Variants in ABCF1 observed in about 807,000 individuals in gnomAD.
The protein encoded by ABCF1 is ATP-binding cassette sub-family F member 1.
In ABCF1, 73 loss-of-function variants were observed where a neutral mutation model predicts 126.3. The ratio of observed to expected loss-of-function variants is 0.58; its 90% CI spans 0.48 to 0.70. The LOEUF is 0.70. Ranked by LOEUF, ABCF1 falls within the 30% of genes least tolerant of loss-of-function variation. The pLI is 0.00. For synonymous variants in ABCF1, 345 were observed against 396.4 expected, an observed-to-expected ratio of 0.87 and a Z score of 1.54; for missense variants, 786 against 1,057.5, an observed-to-expected ratio of 0.74 and a Z score of 3.56.
Position 30,576,276 on chromosome 6 carries a change from C to CTTTTTTTTTT in ABCF1, c.74-1113_74-1104dup, listed in dbSNP as rs9256927. Among the ~76,000 whole-genome samples, 27 of 44,160 alleles carry CTTTTTTTTTT rather than the reference C, an allele frequency of 6.1e-4. 8 individuals carry two copies. The highest frequency in any genetic ancestry group is 5.4e-3 in the South Asian group (4 of 742). The allele number at this position is 44,160 out of a possible 152,430, so 29.0% of individuals were successfully genotyped here. A position where few individuals can be genotyped will look rare whatever the true frequency, so the allele number is the denominator to read the frequency against. ...AACACAGGAGTCATCTCTGAGTGCT[C>CTTTTTTTTTT]TTTTTTTTTTTTTTTTTTTTTTTTT... is the stretch of plus-strand genomic sequence containing the variant. On this transcript the variant is annotated intron_variant, in intron 1 of 24. Coordinates refer to ENST00000326195, the MANE Select transcript of ABCF1 (RefSeq NM_001025091.2).
In ABCF1 at chr6:30,578,197, A is replaced by G; in HGVS notation, c.338A>G (p.Asp113Gly). The G allele has an allele frequency of 6.2e-7, 1 of 1,613,908 alleles. No individual in the cohort carries two copies. The highest frequency in any genetic ancestry group is 1.3e-5 in the African/African-American group (1 of 74,970). The change falls in exon 4 of 25, where the codon GAT becomes GGT. Residue 113 changes from aspartate (D) to glycine (G), a missense_variant. By Grantham distance (94) the Asp-to-Gly change is moderately conservative (BLOSUM62 -1). Coordinates refer to ENST00000326195, the MANE Select transcript of ABCF1 (RefSeq NM_001025091.2). ...KLSVPTSDEE[D>G]EVPAPKPRGG... ...TCAGTGCCAACCAGTGATGAGGAGGATGAAGGTAAATGACCTGAGGGGGAA... is the reference window on the plus strand; with the variant it reads ...TCAGTGCCAACCAGTGATGAGGAGGGTGAAGGTAAATGACCTGAGGGGGAA...
intron 1 of ABCF1, among the ~76,000 whole-genome samples, chr6:30,572,575 C>T (rs1801308750): frequency 6.6e-6 from 1 of 152,122 alleles, no homozygotes; most frequent in Non-Finnish European, 1.5e-5. Flanking sequence ...ATGAACATGG[C>T]TCACTGCAGC....
rs774130843 is a variant in ABCF1 at position 30,584,956 on chromosome 6, A to G, written c.1392-304A>G. Among the ~76,000 whole-genome samples the G allele has an allele frequency of 6.6e-6, 1 of 152,096 alleles. No homozygotes were observed. The highest frequency in any genetic ancestry group is 1.5e-5 in the Non-Finnish European group (1 of 68,008). ...CCCTGTCTCTACAAAAAATTTAAAG[A>G]TCAGCTGGATATGGTGGCGCACGCT... is the stretch of plus-strand genomic sequence containing the variant. On this transcript the variant is annotated intron_variant, in intron 14 of 24. Transcript: ENST00000326195. This position sits in a 1 kb window ranked among gnomAD's most constrained non-coding sequence, Gnocchi z 4.6.
Position 30,577,927 on chromosome 6 carries a change from A to G in ABCF1, c.216+14A>G. The G allele has an allele frequency of 4.3e-6, 7 of 1,613,832 alleles. No homozygotes were observed. Among genetic ancestry groups the G allele is most frequent in the Non-Finnish European group, 5.9e-6 (7 of 1,179,950 alleles). ...CAGCAACAGCAGGTACAAGTGCCAC[A>G]GGGCCCACCAATCCTGGGAGGCATC... On this transcript the variant is annotated intron_variant, in intron 3 of 24. Coordinates refer to ENST00000326195, the MANE Select transcript of ABCF1 (RefSeq NM_001025091.2).
chr6:30,589,772 C>T (rs1157562183), intron 21 of ABCF1, 34 bp from the exon 22 acceptor site: 1 of 1,614,162 alleles, frequency 6.2e-7, no homozygotes, highest in South Asian at 1.1e-5. Flanking sequence ...GGAAGTGTGA[C>T]TTTAACCGAC....
intron 6 of ABCF1, among the ~76,000 whole-genome samples, chr6:30,579,658 A>G (rs1801701810): frequency 6.6e-6 from 1 of 151,780 alleles, no homozygotes; most frequent in Non-Finnish European, 1.5e-5. Context: ...GGGTTTCACC[A>G]TGTTGACCAG....
chr6:30,590,929 A>G lies in ABCF1; in HGVS notation c.*228A>G. On this transcript the variant is annotated 3_prime_UTR_variant, in exon 25 of 25. Transcript: ENST00000326195. ...CTCTTCATATAACTGAGCTGGCCTT[A>G]TCCTTGGCATCCCCCTAAACAAACA... 1 of 491,126 alleles carries G rather than the reference A, an allele frequency of 2.0e-6. No individual in the cohort carries two copies. The highest frequency in any genetic ancestry group is 3.5e-6 in the Non-Finnish European group (1 of 284,288). 30.4% of individuals were successfully genotyped at this position (491,126 alleles called of 1,614,324 possible). A position where few individuals can be genotyped will look rare whatever the true frequency, so the allele number is the denominator to read the frequency against.
At position 30,580,462 on chromosome 6, in the gene ABCF1, T is replaced by G. The variant is rs1190611048; in HGVS notation, c.621T>G (p.Ile207Met). The change falls in exon 8 of 25, where the codon ATT becomes ATG. Residue 207 changes from isoleucine (I) to methionine (M), a missense_variant. Around this residue, in one of 4 missense-constraint regions of ABCF1, gnomAD observed 322 missense variants for 322.9 expected, o/e 1.00. Transcript: ENST00000326195. ...DNEEEDKEEE[I>M]IKEKEPPKQG... ...AAGAGGAGGATAAAGAAGAAGAAAT[T>G]ATAAAGGAAAAGGAGCCTCCCAAAC... is the stretch of plus-strand genomic sequence containing the variant. The G allele has an allele frequency of 6.5e-7, 1 of 1,531,988 alleles. No homozygotes were observed. Among genetic ancestry groups the G allele is most frequent in the African/African-American group, 1.5e-5 (1 of 68,712 alleles). The allele number at this position is 1,531,988 out of a possible 1,614,324, so 94.9% of individuals were successfully genotyped here. A position where few individuals can be genotyped will look rare whatever the true frequency, so the allele number is the denominator to read the frequency against.
intron 16 of ABCF1, 88 bp from the exon 17 acceptor site, chr6:30,585,791 A>G: frequency 6.4e-7 from 1 of 1,562,584 alleles, no homozygotes; most frequent in Admixed American, 1.8e-5. Context: ...CCAGACAGTG[A>G]TGCCTACCCC....
intron 20 of ABCF1, among the ~76,000 whole-genome samples, chr6:30,587,834 G>A (rs1398977393): frequency 2.1e-5 from 3 of 143,986 alleles, no homozygotes; most frequent in Non-Finnish European, 3.0e-5. Flanking sequence ...AAGTGACAGA[G>A]TGAGGCTCTG....
At position 30,586,180 on chromosome 6, in the gene ABCF1, G is replaced by A. The variant is rs369065380; in HGVS notation, c.1760G>A (p.Arg587Gln). 30 of 1,613,800 alleles carry A rather than the reference G, an allele frequency of 1.9e-5. No individual in the cohort carries two copies. Among genetic ancestry groups the A allele is most frequent in the East Asian group, 6.7e-5 (3 of 44,878 alleles). The change falls in exon 18 of 25, where the codon CGA becomes CAA. Residue 587 changes from arginine to glutamine, a missense_variant. Arg to Gln is a conservative substitution (Grantham distance 43). This residue lies in a region of ABCF1 where 288 missense variants were observed against 423.5 expected (regional missense o/e 0.68). Coordinates refer to ENST00000326195, the MANE Select transcript of ABCF1 (RefSeq NM_001025091.2). The surrounding 1 kb of genome is among the most constrained non-coding windows in gnomAD (Gnocchi z 4.9). ...EALTRKQQKC[R>Q]RKNQDEESQE... The stretch of plus-strand genomic sequence containing the variant: ...CTGACTCGGAAGCAGCAGAAATGCC[G>A]ACGGAAAAACCAAGATGAGGAATCC...
At position 30,571,446 on chromosome 6, in the gene ABCF1, A is replaced by G. The variant is rs763833925; in HGVS notation, c.-42A>G. On this transcript the variant is annotated 5_prime_UTR_variant, in exon 1 of 25. Transcript: ENST00000326195. ...GGGTTCCCCGCCGCCGGAAGCGGAA[A>G]TAGCACCGGGCGCCGCCACAGTAGC... is the stretch of plus-strand genomic sequence containing the variant. 4.4e-6 allele frequency: 7 copies of G among 1,584,206 alleles called. No homozygotes were observed. The African/African-American group carries it at 5.4e-5, about 12-fold the overall frequency.
Position 30,584,557 on chromosome 6 carries a change from C to T in ABCF1, c.1382C>T (p.Ser461Phe). Reference protein sequence around the residue: ...KFSGGWRMRVSLARALFMEPT... With the variant: ...KFSGGWRMRVFLARALFMEPT... ...TCAGGGGGCTGGCGCATGCGTGTCTCCCTGGCCAGGTGGGCCATTCACCTC... is the reference window on the plus strand; with the variant it reads ...TCAGGGGGCTGGCGCATGCGTGTCTTCCTGGCCAGGTGGGCCATTCACCTC... Residue 461 changes from serine (S) to phenylalanine (F), a missense_variant, in exon 14 of 25, where the codon TCC (serine) becomes TTC (phenylalanine). Ser to Phe is a radical substitution (Grantham distance 155, BLOSUM62 -2). Transcript: ENST00000326195. This position sits in a 1 kb window ranked among gnomAD's most constrained non-coding sequence, Gnocchi z 4.6. 1 of 1,599,012 alleles carries T rather than the reference C, an allele frequency of 6.3e-7. No homozygotes were observed. The highest frequency in any genetic ancestry group is 8.5e-7 in the Non-Finnish European group (1 of 1,171,898).
intron 15 of ABCF1, 64 bp downstream of exon 15, chr6:30,585,407 C>T: frequency 6.3e-7 from 1 of 1,590,616 alleles, no homozygotes; most frequent in South Asian, 1.1e-5. Context: ...CCTCCCTGCC[C>T]TGTTTTCCTT....
chr6:30,588,150 C>G (rs936458200), intron 20 of ABCF1, among the ~76,000 whole-genome samples: 3 of 152,186 alleles, frequency 2.0e-5, no homozygotes, highest in Non-Finnish European at 4.4e-5. Context: ...ATCCGCCCGC[C>G]TCAGCCTCCC....
Position 30,586,335 on chromosome 6 carries a change from A to G in ABCF1, c.1885+30A>G. 2 of 1,600,180 alleles carry G rather than the reference A, an allele frequency of 1.2e-6. No individual in the cohort carries two copies. Among genetic ancestry groups the G allele is most frequent in the Non-Finnish European group, 1.7e-6 (2 of 1,172,460 alleles). ...GTGCCGCGGGCCTCTGCTGCTCCACAGGAAGCACCGGAAGCATGTATGTGC... is the reference window on the plus strand; with the variant it reads ...GTGCCGCGGGCCTCTGCTGCTCCACGGGAAGCACCGGAAGCATGTATGTGC... On this transcript the variant is annotated intron_variant, in intron 18 of 24. Transcript: ENST00000326195. This position sits in a 1 kb window ranked among gnomAD's most constrained non-coding sequence, Gnocchi z 4.9.
At chr6:30,587,897 GT>G (rs558653432) in intron 20 of ABCF1, among the ~76,000 whole-genome samples, 18 of 141,908 alleles carry the variant, frequency 1.3e-4, no homozygotes, top group Admixed American at 2.8e-4. Context: ...GAGATAACCA[GT>G]TTTTTTTTTT....
chr6:30,587,469 T>C (rs1377784422), intron 20 of ABCF1, among the ~76,000 whole-genome samples: 1 of 151,902 alleles, frequency 6.6e-6, no homozygotes, highest in Non-Finnish European at 1.5e-5. Context: ...ACCCCATCTC[T>C]ACTAAAAATA....
chr6:30,582,351 C>T (rs771909988), intron 8 of ABCF1, 43 bp from the exon 9 acceptor site: 46 of 1,350,774 alleles, frequency 3.4e-5, no homozygotes, highest in Middle Eastern at 4.2e-4. Flanking sequence ...CCACCGCGCC[C>T]AGCCAGGAGT....
Sources: allele counts gnomAD v4.1 joint callset (sites outside exome capture counted in the v4.1 genomes callset), GRCh38; gene constraint gnomAD v4.1.1; regional missense constraint gnomAD v4.1.1; non-coding constraint Gnocchi (gnomAD v3.1); transcripts MANE v1.5; gene names NCBI Gene and HGNC (gene_info 2026-07-23, HGNC 2026-07-21).